The following BAIAP2 variants were observed in gnomAD, a reference collection of about 807,000 sequenced individuals.
BAIAP2 encodes the protein BAR/IMD domain-containing adapter protein 2.
Under a neutral mutation model 63.0 loss-of-function variants are expected in BAIAP2, and 18 were observed. The observed-to-expected ratio is 0.29, with a 90% CI of 0.20 to 0.42. The LOEUF (loss-of-function observed/expected upper bound fraction) is 0.42. Ranked by LOEUF, BAIAP2 falls within the 10% of genes least tolerant of loss-of-function variation. The pLI is 1.00. For synonymous variants in BAIAP2, 386 were observed against 307.6 expected (o/e 1.25, Z -2.67); for missense variants, 610 against 734.3 (o/e 0.83, Z 1.96).
At chr17:81,103,792 G>T in intron 8 of BAIAP2, 69 bp downstream of exon 8, 2 of 1,576,124 alleles carry the variant, frequency 1.3e-6, no homozygotes, top group South Asian at 2.3e-5. Context: ...AGGGCGGGGG[G>T]CCGCCAGGGT....
intron 6 of BAIAP2, among the ~76,000 whole-genome samples, chr17:81,099,080 G>C (rs2058123324): frequency 6.6e-6 from 1 of 150,874 alleles, no homozygotes; most frequent in African/African-American, 2.4e-5. Flanking sequence ...TCTCATTCCT[G>C]GTTCCGTGCT....
At position 81,035,191 on chromosome 17, in the gene BAIAP2, C is replaced by T. The variant is rs1461355658; in HGVS notation, c.-64C>T. ...TTTCGTCTCCGTCCTGCTGCCGTTA[C>T]CGCCGCTGCTGCCGCCGCTTGCGTC... On this transcript the variant is annotated 5_prime_UTR_variant, in exon 1 of 14. Coordinates refer to ENST00000428708, the MANE Select transcript of BAIAP2 (RefSeq NM_001144888.2). The T allele has an allele frequency of 8.1e-6, 11 of 1,360,374 alleles. No individual in the cohort carries two copies. Among genetic ancestry groups the T allele is most frequent in the African/African-American group, 6.1e-5 (4 of 65,564 alleles). The allele number at this position is 1,360,374 out of a possible 1,614,324, so 84.3% of individuals were successfully genotyped here. A position where few individuals can be genotyped will look rare whatever the true frequency, so the allele number is the denominator to read the frequency against.
At chr17:81,112,656 C>T (rs889642007) in intron 13 of BAIAP2, among the ~76,000 whole-genome samples, 14 of 152,200 alleles carry the variant, frequency 9.2e-5, no homozygotes, top group Admixed American at 5.9e-4. Flanking sequence ...AGGTGCTGTC[C>T]GCCCGGCTCT....
At chr17:81,089,078 C>G (rs973124992) in intron 6 of BAIAP2, among the ~76,000 whole-genome samples, 1 of 152,266 alleles carries the variant, frequency 6.6e-6, no homozygotes, top group African/African-American at 2.4e-5. Flanking sequence ...GCCGTGGGCC[C>G]CGGGTGGTGG....
At chr17:81,091,366 C>T (rs1380545582) in intron 6 of BAIAP2, among the ~76,000 whole-genome samples, 1 of 152,102 alleles carries the variant, frequency 6.6e-6, no homozygotes, top group Non-Finnish European at 1.5e-5. Context: ...CTCTCCATTC[C>T]TAAAGCGGTT....
intron 3 of BAIAP2, among the ~76,000 whole-genome samples, chr17:81,079,178 G>C (rs2054189074): frequency 6.6e-6 from 1 of 152,186 alleles, no homozygotes; most frequent in Non-Finnish European, 1.5e-5. Context: ...ACCTGACTCA[G>C]GTGCTGTTTT....
intron 13 of BAIAP2, chr17:81,110,293 T>C (rs1215821367): frequency 2.0e-6 from 2 of 986,142 alleles, no homozygotes; most frequent in Non-Finnish European, 2.4e-6. Context: ...CCGGGCCCTG[T>C]GTAGAGACCC....
chr17:81,077,264 C>A (rs898193045), intron 3 of BAIAP2, among the ~76,000 whole-genome samples: 2 of 152,042 alleles, frequency 1.3e-5, no homozygotes, highest in African/African-American at 2.4e-5. Context: ...ATCCCCACAC[C>A]GGCCACAGTC....
At chr17:81,108,263 C>T (rs1044990085) in intron 12 of BAIAP2, 2 of 603,618 alleles carry the variant, frequency 3.3e-6, no homozygotes, top group Non-Finnish European at 2.9e-6. Flanking sequence ...GGAGGTATCC[C>T]CTTTAATTTG....
chr17:81,036,756 G>A, intron 1 of BAIAP2: 3 of 948,288 alleles, frequency 3.2e-6, no homozygotes, highest in East Asian at 2.6e-5. Context: ...AGAGTCTGTG[G>A]CATACGGTTC....
intron 3 of BAIAP2, among the ~76,000 whole-genome samples, chr17:81,075,404 T>A (rs2053488854): frequency 6.6e-6 from 1 of 152,200 alleles, no homozygotes; most frequent in East Asian, 1.9e-4. Context: ...AATCTTTGAA[T>A]CGTGTGAAGC....
intron 3 of BAIAP2, among the ~76,000 whole-genome samples, chr17:81,073,009 A>T (rs2144860233): frequency 6.6e-6 from 1 of 152,052 alleles, no homozygotes; most frequent in South Asian, 2.1e-4. Context: ...AGCCCTGGGT[A>T]TTGGGTGCCT....
chr17:81,050,818 C>T (rs1300298777), intron 1 of BAIAP2, among the ~76,000 whole-genome samples: 1 of 148,678 alleles, frequency 6.7e-6, no homozygotes, highest in Non-Finnish European at 1.5e-5. Context: ...AGCACACGCA[C>T]ACCAGAACAC....
chr17:81,090,737 C>T (rs2056578967), intron 6 of BAIAP2, among the ~76,000 whole-genome samples: 2 of 152,216 alleles, frequency 1.3e-5, no homozygotes, highest in Non-Finnish European at 2.9e-5. Context: ...TACGCGCCCC[C>T]CGAGCTGCGG....
chr17:81,109,345 C>CT, intron 13 of BAIAP2: 5 of 937,432 alleles, frequency 5.3e-6, no homozygotes, highest in Non-Finnish European at 6.4e-6. Flanking sequence ...TGAGCCAGGT[C>CT]TAAAGTTTGA....
At chr17:81,047,587 GCA>G (rs2048006706) in intron 1 of BAIAP2, among the ~76,000 whole-genome samples, 2 of 151,326 alleles carry the variant, frequency 1.3e-5, no homozygotes, top group Non-Finnish European at 1.5e-5. Flanking sequence ...CATGCCCACA[GCA>G]CACACGGGTC....
intron 2 of BAIAP2, among the ~76,000 whole-genome samples, chr17:81,056,719 T>TG (rs2049630945): frequency 6.6e-6 from 1 of 152,214 alleles, no homozygotes; most frequent in Non-Finnish European, 1.5e-5. Flanking sequence ...CTTTTCTTGA[T>TG]GGCCTGGTGG....
chr17:81,078,148 C>G (rs189751188), intron 3 of BAIAP2, among the ~76,000 whole-genome samples: 1 of 145,252 alleles, frequency 6.9e-6, no homozygotes. Context: ...GGTGCCATCT[C>G]GGAGCTGGAT....
chr17:81,037,696 G>A (rs1162731999), intron 1 of BAIAP2, among the ~76,000 whole-genome samples: 1 of 152,266 alleles, frequency 6.6e-6, no homozygotes, highest in Non-Finnish European at 1.5e-5. Context: ...CAGAGCCCTG[G>A]CAGTGCCTCT....
Sources: allele counts gnomAD v4.1 joint callset (sites outside exome capture counted in the v4.1 genomes callset), GRCh38; gene constraint gnomAD v4.1.1; transcripts MANE v1.5; gene names NCBI Gene and HGNC (gene_info 2026-07-23, HGNC 2026-07-21).